SLC2A9: variants seen among roughly 807,000 people sequenced by gnomAD.
The protein encoded by SLC2A9 is solute carrier family 2 member 9.
Under a neutral mutation model 50.6 loss-of-function variants are expected in SLC2A9, and 39 were observed. The ratio of observed to expected loss-of-function variants is 0.77; its 90% confidence interval spans 0.60 to 1.01. The LOEUF (loss-of-function observed/expected upper bound fraction) is 1.01, where lower values mean the gene tolerates loss of function less well. SLC2A9 is among the 50% of genes least tolerant of loss of function. SLC2A9 has a pLI of 0.00. For missense variants in SLC2A9, 686 were observed against 677.6 expected (o/e 1.01, Z -0.14); for synonymous variants, 324 against 276.9 (o/e 1.17, Z -1.69).
chr4:9,816,955 A>T (rs1272164339), intron 3 of SLC2A9, among the ~76,000 whole-genome samples: 1 of 152,202 alleles, frequency 6.6e-6, no homozygotes, highest in Non-Finnish European at 1.5e-5. Context: ...TGGAATCTTT[A>T]GGGGATAATA....
intron 6 of SLC2A9, 106 bp downstream of exon 6, chr4:9,941,807 C>G: frequency 2.0e-6 from 3 of 1,518,070 alleles, no homozygotes; most frequent in Non-Finnish European, 2.7e-6. Flanking sequence ...CAAAAAGGAA[C>G]AATGACAACA....
At position 10,021,355 on chromosome 4, in the gene SLC2A9, C is replaced by A. The variant is rs1335947676; in HGVS notation, c.75G>T (p.Gly25=). The A allele has an allele frequency of 6.2e-7, 1 of 1,614,122 alleles. No homozygotes were observed. The highest frequency in any genetic ancestry group is 1.3e-5 in the African/African-American group (1 of 74,950). Residue 25 remains glycine (G), a synonymous_variant, in exon 1 of 12, where the codon GGG becomes GGT. Transcript: ENST00000264784. The part of the protein sequence containing the change: ...VPLTDDTSHA[G]PPGPGRALLE... ...GCAGTGCCCTCCCTGGCCCTGGAGG[C>A]CCGGCGTGGCTGGTGTCATCTGTGA...
intron 5 of SLC2A9, among the ~76,000 whole-genome samples, chr4:9,948,578 G>A (rs1749632193): frequency 6.6e-6 from 1 of 152,202 alleles, no homozygotes; most frequent in Non-Finnish European, 1.5e-5. Flanking sequence ...CTCCACCAAG[G>A]CTACCCAGCC....
intron 8 of SLC2A9, among the ~76,000 whole-genome samples, chr4:9,891,390 A>C (rs1194404887): frequency 6.6e-6 from 1 of 152,020 alleles, no homozygotes; most frequent in Non-Finnish European, 1.5e-5. Context: ...AGACAGGAAA[A>C]CCTGGGTTTA....
chr4:10,011,546 T>C (rs780235496), intron 2 of SLC2A9, among the ~76,000 whole-genome samples: 21 of 152,246 alleles, frequency 1.4e-4, no homozygotes, highest in Non-Finnish European at 2.2e-4. Context: ...TCTGAAGCCA[T>C]TTTCAAGGAT....
chr4:9,930,314 C>T lies in SLC2A9; in HGVS notation c.815-9742G>A, dbSNP rs189326238. 1.8e-3 allele frequency among the ~76,000 whole-genome samples: 279 copies of T among 152,274 alleles called. 1 individual carries two copies. Among genetic ancestry groups the T allele is most frequent in the African/African-American group, 5.7e-3 (237 of 41,554 alleles). ...CAAATGCCAGGTCTTCCCCTAAAGA[C>T]GGGTGGAAGGAAATGTAGCTCCTCA... On this transcript the variant is annotated intron_variant, in intron 6 of 11. Transcript: ENST00000264784.
chr4:9,946,045 G>A (rs13116337), intron 5 of SLC2A9, among the ~76,000 whole-genome samples: 10,907 of 152,170 alleles, frequency 0.072, 881 homozygotes, highest in East Asian at 0.46. Flanking sequence ...GCCACCAAAC[G>A]ACAACCTCAA....
chr4:9,990,414 G>C (rs952594982), intron 3 of SLC2A9, among the ~76,000 whole-genome samples: 1 of 152,094 alleles, frequency 6.6e-6, no homozygotes, highest in Admixed American at 6.5e-5. Flanking sequence ...TTCTTACGTT[G>C]AAGGGCTCCC....
At chr4:9,934,982 T>C (rs1163286443) in intron 6 of SLC2A9, among the ~76,000 whole-genome samples, 1 of 152,244 alleles carries the variant, frequency 6.6e-6, no homozygotes, top group Admixed American at 6.5e-5. Flanking sequence ...GCAAAGAATA[T>C]GATCTAATTC....
At chr4:10,023,666 T>A (rs572378026), upstream of SLC2A9, among the ~76,000 whole-genome samples, 53 of 152,336 alleles carry the variant, frequency 3.5e-4, no homozygotes, top group African/African-American at 1.3e-3. Flanking sequence ...GGGTTCCTGG[T>A]AGCCACAGCA....
At chr4:10,038,381 C>T (rs1764173595) in intron 1 of SLC2A9, among the ~76,000 whole-genome samples, 1 of 151,556 alleles carries the variant, frequency 6.6e-6, no homozygotes, top group East Asian at 1.9e-4. Flanking sequence ...GTGGCAGGCA[C>T]CTGTAATCCA....
intron 8 of SLC2A9, among the ~76,000 whole-genome samples, chr4:9,896,215 C>A (rs572353010): frequency 6.6e-6 from 1 of 152,346 alleles, no homozygotes; most frequent in East Asian, 1.9e-4. Context: ...TATGTTCCCA[C>A]CAGCAGTGGA....
chr4:9,900,151 T>A (rs900304656), intron 8 of SLC2A9, among the ~76,000 whole-genome samples: 4 of 152,018 alleles, frequency 2.6e-5, no homozygotes, highest in African/African-American at 7.3e-5. Context: ...GAGCATCGAG[T>A]TGGCAGAGGG....
downstream of SLC2A9, among the ~76,000 whole-genome samples, chr4:9,776,878 C>T (rs1467498299): frequency 1.3e-5 from 2 of 152,174 alleles, no homozygotes; most frequent in South Asian, 2.1e-4. Context: ...GGGCTCACCT[C>T]CTCTGTCTCA....
At chr4:9,822,504 G>T (rs1355774190), downstream of SLC2A9, among the ~76,000 whole-genome samples, 1 of 152,046 alleles carries the variant, frequency 6.6e-6, no homozygotes, top group African/African-American at 2.4e-5. Context: ...TAATATGCCA[G>T]CTTTCTTTTG....
At chr4:9,893,879 C>A (rs1738032546) in intron 8 of SLC2A9, among the ~76,000 whole-genome samples, 1 of 152,188 alleles carries the variant, frequency 6.6e-6, no homozygotes, top group Non-Finnish European at 1.5e-5. Flanking sequence ...CAATGCAACA[C>A]ATGTTAATCT....
chr4:9,808,599 T>A (rs888859531), intron 3 of SLC2A9, among the ~76,000 whole-genome samples: 17 of 152,174 alleles, frequency 1.1e-4, no homozygotes, highest in African/African-American at 4.1e-4. Flanking sequence ...TAACCTGTTA[T>A]TAGTATGGTT....
intron 2 of SLC2A9, among the ~76,000 whole-genome samples, chr4:10,008,763 A>ATC (rs979648917): frequency 6.6e-6 from 1 of 152,122 alleles, no homozygotes; most frequent in Non-Finnish European, 1.5e-5. Context: ...CAGTCACTCA[A>ATC]TCTCTCCCTT....
chr4:9,955,211 G>GTTCAAACCGTGCACTTGATCTCTCAAGTC (rs1205994914), intron 5 of SLC2A9, among the ~76,000 whole-genome samples: 10 of 48,446 alleles, frequency 2.1e-4, no homozygotes, highest in African/African-American at 4.9e-4. Flanking sequence ...ACTCCAAGTC[G>GTTCAAACCGTGCACTTGATCTCTCAAGTC]GCCGGGCGCG....
Sources: gnomAD v4.1 joint callset for allele counts (sites outside exome capture counted in the v4.1 genomes callset) on GRCh38, gnomAD v4.1.1 for gene constraint, MANE v1.5 for transcripts, NCBI Gene and HGNC (gene_info 2026-07-23, HGNC 2026-07-21) for gene names.